Variants in BLK observed in about 807,000 individuals in gnomAD.
BLK encodes tyrosine-protein kinase Blk.
Under a neutral mutation model 61.8 loss-of-function variants are expected in BLK, and 64 were observed. The ratio of observed to expected loss-of-function variants is 1.03; its 90% CI spans 0.85 to 1.27. The LOEUF is 1.27. Among genes scored for constraint, BLK ranks in the 50% most tolerant of loss-of-function variants. The pLI, the probability that BLK is intolerant of heterozygous loss-of-function variation, is 0.00. For missense variants in BLK, 853 were observed against 660.5 expected, an observed-to-expected ratio of 1.29 and a Z score of -3.19; for synonymous variants, 351 against 272.0, an observed-to-expected ratio of 1.29 and a Z score of -2.86.
At chr8:11,535,569 C>A (rs1268881237) in intron 1 of BLK, among the ~76,000 whole-genome samples, 1 of 152,242 alleles carries the variant, frequency 6.6e-6, no homozygotes, top group Non-Finnish European at 1.5e-5. Flanking sequence ...GCTCTTTCAA[C>A]TCCCAACTAA....
chr8:11,512,733 G>A (rs541961874), intron 1 of BLK, among the ~76,000 whole-genome samples: 3 of 152,160 alleles, frequency 2.0e-5, no homozygotes, highest in South Asian at 2.1e-4. Context: ...GCACAATCTC[G>A]GCTCACCGCA....
At chr8:11,510,248 A>G (rs1470587593) in intron 1 of BLK, among the ~76,000 whole-genome samples, 1 of 152,212 alleles carries the variant, frequency 6.6e-6, no homozygotes, top group African/African-American at 2.4e-5. Flanking sequence ...TTGCGTTTAA[A>G]GTCAGTGTGA....
rs1156826269 is a variant in BLK at position 11,550,144 on chromosome 8, C to A, written c.369-15C>A. On this transcript the variant is annotated splice_polypyrimidine_tract_variant and intron_variant, in intron 5 of 12. Coordinates refer to ENST00000259089, the MANE Select transcript of BLK (RefSeq NM_001715.3). ...AGGGTCGCTCTGAGTTTCACCTGTTCCTGCCGTTTTCCAGGTGGTTCTTTA... is the reference window on the plus strand; with the variant it reads ...AGGGTCGCTCTGAGTTTCACCTGTTACTGCCGTTTTCCAGGTGGTTCTTTA... 1 of 1,611,086 alleles carries A rather than the reference C, an allele frequency of 6.2e-7. No individual in the cohort carries two copies. Among genetic ancestry groups the A allele is most frequent in the Non-Finnish European group, 8.5e-7 (1 of 1,177,746 alleles).
At chr8:11,544,700 A>G (rs1187309125) in intron 2 of BLK, among the ~76,000 whole-genome samples, 2 of 152,246 alleles carry the variant, frequency 1.3e-5, no homozygotes, top group Non-Finnish European at 2.9e-5. Flanking sequence ...TAGAGTCACC[A>G]GAGTTGCCTC....
rs868433605 is a variant in BLK at position 11,526,095 on chromosome 8, C to G, written c.-1-17129C>G. 1.3e-4 allele frequency among the ~76,000 whole-genome samples: 20 copies of G among 152,238 alleles called. No homozygotes were observed. The South Asian group carries it at 1.7e-3, about 13-fold the overall frequency. On this transcript the variant is annotated intron_variant, in intron 1 of 12. Transcript: ENST00000259089. ...GCTGCAGCTTTTGTTTTTAAACATT[C>G]TTTTCATTACAGTTACAACTTCAAG...
intron 1 of BLK, among the ~76,000 whole-genome samples, chr8:11,530,702 T>C (rs1282595962): frequency 2.1e-5 from 3 of 140,786 alleles, no homozygotes; most frequent in East Asian, 4.2e-4. Flanking sequence ...TTCTTTACTC[T>C]GAAAAACAAA....
rs1439021073 is a variant in BLK, at chr8:11,563,076, G to A, written c.1278G>A (p.Met426Ile). 6.2e-7 allele frequency: 1 copy of A among 1,613,930 alleles called. No individual in the cohort carries two copies. The highest frequency in any genetic ancestry group is 1.1e-5 in the South Asian group (1 of 91,088). Residue 426 changes from methionine (M) to isoleucine (I), a missense_variant, in exon 12 of 13, where the codon ATG becomes ATA. Transcript: ENST00000259089. ...ADVWSFGVLL[M>I]EVVTYGRVPY... ...TGTGGTCGTTTGGAGTCCTCCTGAT[G>A]GAAGTTGTCACTTATGGGCGGGTGC...
At chr8:11,533,584 G>C (rs961012044) in intron 1 of BLK, among the ~76,000 whole-genome samples, 7 of 132,896 alleles carry the variant, frequency 5.3e-5, no homozygotes, top group African/African-American at 1.9e-4. Context: ...CTGTCTGCCG[G>C]AGGAGGAGGA....
chr8:11,559,994 A>G, intron 10 of BLK: 4 of 366,328 alleles, frequency 1.1e-5, no homozygotes, highest in South Asian at 6.2e-5. Flanking sequence ...TTCAATAAAT[A>G]TTAGTTATCA....
intron 1 of BLK, among the ~76,000 whole-genome samples, chr8:11,527,995 C>T (rs1236587083): frequency 6.6e-6 from 1 of 151,970 alleles, no homozygotes; most frequent in Non-Finnish European, 1.5e-5. Context: ...GATTTTTGCT[C>T]CCTGAGCAAG....
At chr8:11,512,366 G>C (rs1460278508) in intron 1 of BLK, among the ~76,000 whole-genome samples, 1 of 152,148 alleles carries the variant, frequency 6.6e-6, no homozygotes, top group Non-Finnish European at 1.5e-5. Flanking sequence ...TTATAAGCAC[G>C]TAAAATTCCT....
Position 11,549,047 on chromosome 8 carries a change from G to C in BLK, c.293G>C (p.Arg98Thr), listed in dbSNP as rs1443200724. 3 of 1,610,496 alleles carry C rather than the reference G, an allele frequency of 1.9e-6. No homozygotes were observed. The highest frequency in any genetic ancestry group is 2.5e-6 in the Non-Finnish European group (3 of 1,178,684). The part of the protein sequence containing the change: ...LKGTGDWWLA[R>T]SLVTGREGYV... ...AGAACTGGAGACTGGTGGCTGGCCA[G>C]GTCACTCGTCACAGGAAGAGAAGGC... Residue 98 changes from arginine to threonine, a missense_variant, in exon 5 of 13, where the codon AGG becomes ACG. Arg to Thr is a moderately conservative substitution (Grantham distance 71, BLOSUM62 -1). Coordinates refer to ENST00000259089, the MANE Select transcript of BLK (RefSeq NM_001715.3).
intron 1 of BLK, among the ~76,000 whole-genome samples, chr8:11,535,483 A>G (rs1237756457): frequency 1.3e-5 from 2 of 152,166 alleles, no homozygotes; most frequent in African/African-American, 4.8e-5. Context: ...AAAAACACCT[A>G]TTTCTGAAAT....
At chr8:11,527,906 G>C (rs1387557647) in intron 1 of BLK, among the ~76,000 whole-genome samples, 1 of 152,168 alleles carries the variant, frequency 6.6e-6, no homozygotes, top group African/African-American at 2.4e-5. Flanking sequence ...AGGGATTACA[G>C]AAATTATGCC....
At chr8:11,550,545 AGGCCAGTGGG>A (rs1188819353) in intron 6 of BLK, among the ~76,000 whole-genome samples, 1 of 152,268 alleles carries the variant, frequency 6.6e-6, no homozygotes, top group Admixed American at 6.5e-5. Flanking sequence ...AGGAACACCG[AGGCCAGTGGG>A]GGCCAGGGAA....
At chr8:11,555,724 C>G in intron 8 of BLK, 1 of 629,202 alleles carries the variant, frequency 1.6e-6, no homozygotes, top group Non-Finnish European at 2.8e-6. Flanking sequence ...TCACCCAGCC[C>G]CGAAGTCGCT....
At chr8:11,545,965 TG>T in intron 2 of BLK, 86 bp from the exon 3 acceptor site, 1 of 1,418,234 alleles carries the variant, frequency 7.1e-7, no homozygotes, top group Non-Finnish European at 1.0e-6. Flanking sequence ...GGAGATACCC[TG>T]GCTGCCCGGC....
chr8:11,558,899 C>A (rs773635809), intron 10 of BLK: 2 of 456,124 alleles, frequency 4.4e-6, no homozygotes, highest in South Asian at 3.1e-5. Context: ...CCTCGCCCCT[C>A]GCCCAGCCTT....
Position 11,545,922 on chromosome 8 carries a change from A to G in BLK, c.124-130A>G, listed in dbSNP as rs1212295473. The G allele has an allele frequency of 2.8e-5, 26 of 941,990 alleles. 1 individual carries two copies. Among genetic ancestry groups the G allele is most frequent in the Non-Finnish European group, 4.0e-5 (23 of 570,946 alleles). The allele number at this position is 941,990 out of a possible 1,614,324, so 58.4% of individuals were successfully genotyped here. A position where few individuals can be genotyped will look rare whatever the true frequency, so the allele number is the denominator to read the frequency against. ...CAGAATGTCCCTGAGCAGCCCCCACAGGCAGCTGCCTCTCCTCCTTCAGTA... is the reference window on the plus strand; with the variant it reads ...CAGAATGTCCCTGAGCAGCCCCCACGGGCAGCTGCCTCTCCTCCTTCAGTA... On this transcript the variant is annotated intron_variant, in intron 2 of 12. Transcript: ENST00000259089.
Sources: allele counts gnomAD v4.1 joint callset (sites outside exome capture counted in the v4.1 genomes callset), GRCh38; gene constraint gnomAD v4.1.1; transcripts MANE v1.5; gene names NCBI Gene and HGNC (gene_info 2026-07-23, HGNC 2026-07-21).